Variants in CNOT4 observed in about 807,000 individuals in gnomAD.
CNOT4 encodes the protein CCR4-associated factor 4.
Under a neutral mutation model 73.8 loss-of-function variants are expected in CNOT4, and 8 were observed. The observed-to-expected ratio is 0.11, with a 90% CI of 0.06 to 0.20. CNOT4 has a LOEUF of 0.20. Among genes scored for constraint, CNOT4 ranks in the 10% least tolerant of loss-of-function variants. The pLI, the probability that CNOT4 is intolerant of heterozygous loss-of-function variation, is 1.00. For missense variants in CNOT4, 564 were observed against 883.4 expected, an observed-to-expected ratio of 0.64 and a Z score of 4.58; for synonymous variants, 293 against 321.1, an observed-to-expected ratio of 0.91 and a Z score of 0.94.
chr7:135,414,145 G>A (rs747781771), intron 5 of CNOT4, among the ~76,000 whole-genome samples, 186 bp downstream of exon 5: 4 of 151,822 alleles, frequency 2.6e-5, no homozygotes, highest in Non-Finnish European at 4.4e-5. Context: ...ATTCCTATCT[G>A]GTAAAAGAGG....
rs1799267493 is a variant in CNOT4 at position 135,438,087 on chromosome 7, G to A, written c.174+71C>T. The A allele has an allele frequency of 5.3e-6, 4 of 760,148 alleles. No individual in the cohort carries two copies. In the East Asian group the frequency reaches 1.0e-4, roughly 19 times the overall value. 47.1% of individuals were successfully genotyped at this position (760,148 alleles called of 1,614,324 possible). On this transcript the variant is annotated intron_variant, in intron 2 of 11. Transcript: ENST00000541284. Reference sequence around the variant, plus strand: ...TTTGCACAGTCTTTTAAATTCACTTGCTCATATACATGGCAGCAAAAAACT... The same window carrying A: ...TTTGCACAGTCTTTTAAATTCACTTACTCATATACATGGCAGCAAAAAACT...
chr7:135,450,860 G>A (rs1392588781), intron 1 of CNOT4, among the ~76,000 whole-genome samples: 1 of 152,022 alleles, frequency 6.6e-6, no homozygotes, highest in East Asian at 1.9e-4. Flanking sequence ...GGAGGTCAAG[G>A]CATTAAGAAT....
intron 2 of CNOT4, among the ~76,000 whole-genome samples, chr7:135,429,581 C>T (rs1798698937): frequency 6.6e-6 from 1 of 152,114 alleles, no homozygotes; most frequent in African/African-American, 2.4e-5. Context: ...ATCCCGAGTC[C>T]ACTTTCTAAT....
chr7:135,373,223 A>T (rs1369364469), intron 10 of CNOT4, among the ~76,000 whole-genome samples: 1 of 152,256 alleles, frequency 6.6e-6, no homozygotes, highest in African/African-American at 2.4e-5. Context: ...TGTTTTGAAT[A>T]AGGGGAATAT....
At chr7:135,495,504 CAAAAAAAAA>C (rs150007748) in intron 1 of CNOT4, among the ~76,000 whole-genome samples, 1 of 54,712 alleles carries the variant, frequency 1.8e-5, no homozygotes, top group African/African-American at 7.8e-5. Context: ...GACTCTGCCT[CAAAAAAAAA>C]AAAAAAAAAA....
At chr7:135,445,081 A>G (rs939300262) in intron 1 of CNOT4, among the ~76,000 whole-genome samples, 3 of 152,176 alleles carry the variant, frequency 2.0e-5, no homozygotes, top group African/African-American at 7.2e-5. Flanking sequence ...TTCAGAATTT[A>G]ATCTTTGAGG....
intron 1 of CNOT4, among the ~76,000 whole-genome samples, chr7:135,501,129 G>A (rs1005945306): frequency 2.6e-5 from 4 of 151,498 alleles, no homozygotes; most frequent in African/African-American, 9.7e-5. Context: ...GGATTACAGG[G>A]GCACACCACC....
chr7:135,485,304 T>C (rs1472557185), intron 1 of CNOT4, among the ~76,000 whole-genome samples: 2 of 152,154 alleles, frequency 1.3e-5, no homozygotes, highest in Non-Finnish European at 1.5e-5. Flanking sequence ...TCTCTTGACC[T>C]CATGATCCAC....
intron 10 of CNOT4, among the ~76,000 whole-genome samples, chr7:135,374,215 C>T (rs757328532): frequency 4.6e-5 from 7 of 152,162 alleles, no homozygotes; most frequent in Non-Finnish European, 8.8e-5. Flanking sequence ...GTTCCCATCC[C>T]ACTGACTCCT....
intron 7 of CNOT4, among the ~76,000 whole-genome samples, chr7:135,399,671 T>TA (rs574408130): frequency 4.1e-4 from 63 of 151,962 alleles, no homozygotes; most frequent in Non-Finnish European, 7.2e-4. Context: ...TTAATTGCTC[T>TA]AAAAAAAATA....
intron 10 of CNOT4, among the ~76,000 whole-genome samples, chr7:135,371,708 C>T (rs746866695): frequency 5.3e-5 from 8 of 151,564 alleles, no homozygotes; most frequent in Non-Finnish European, 1.0e-4. Context: ...TCTAAGGAAT[C>T]AGAATCTAAG....
chr7:135,399,429 C>T (rs1160618229), intron 7 of CNOT4, among the ~76,000 whole-genome samples: 1 of 151,898 alleles, frequency 6.6e-6, no homozygotes, highest in African/African-American at 2.4e-5. Context: ...AGAAAAGGTA[C>T]AGTAAAAAAG....
At chr7:135,470,995 T>C (rs1801542899) in intron 1 of CNOT4, among the ~76,000 whole-genome samples, 1 of 152,202 alleles carries the variant, frequency 6.6e-6, no homozygotes, top group African/African-American at 2.4e-5. Context: ...TTAAAACAGA[T>C]TTTTAAGCCA....
chr7:135,480,382 C>T (rs192621934), intron 1 of CNOT4, among the ~76,000 whole-genome samples: 100 of 152,264 alleles, frequency 6.6e-4, no homozygotes, highest in Non-Finnish European at 1.0e-3. Flanking sequence ...CTTTGGTCTC[C>T]ACTTCAAGTG....
In CNOT4 at chr7:135,363,060, T is replaced by C. The variant is rs977096922; in HGVS notation, c.1967A>G (p.His656Arg). ...GATCTGTGTGCTGAAGGGGGCGCTG[T>C]GGTGGGTCTGTGATGGAGCAGCGCT... is the stretch of plus-strand genomic sequence containing the variant. ...GPSAAPSQTHHSAPFSTQIPL... is the reference protein window; with the variant it reads ...GPSAAPSQTHRSAPFSTQIPL... The change falls in exon 12 of 12, where the codon CAC (histidine) becomes CGC (arginine). Residue 656 changes from histidine (H) to arginine (R), a missense_variant. By Grantham distance (29) the His-to-Arg change is conservative (BLOSUM62 0). This residue lies in a region of CNOT4 where 88 missense variants were observed against 94.7 expected (regional missense o/e 0.93). Transcript: ENST00000541284. This position sits in a 1 kb window ranked among gnomAD's most constrained non-coding sequence, Gnocchi z 4.3. The C allele has an allele frequency of 6.2e-7, 1 of 1,613,722 alleles. No individual in the cohort carries two copies. The highest frequency in any genetic ancestry group is 8.5e-7 in the Non-Finnish European group (1 of 1,179,964).
intron 2 of CNOT4, among the ~76,000 whole-genome samples, chr7:135,428,240 T>C (rs565745832): frequency 9.2e-5 from 14 of 152,258 alleles, no homozygotes; most frequent in East Asian, 5.8e-4. Flanking sequence ...AGAAGCCAAA[T>C]TGAAGCCTCT....
chr7:135,399,113 T>C (rs575997508), intron 7 of CNOT4, among the ~76,000 whole-genome samples: 1 of 152,172 alleles, frequency 6.6e-6, no homozygotes, highest in East Asian at 1.9e-4. Flanking sequence ...CTATAAGCAC[T>C]GCAACAGTGT....
chr7:135,442,609 A>G (rs1340564943), intron 1 of CNOT4, among the ~76,000 whole-genome samples: 1 of 152,218 alleles, frequency 6.6e-6, no homozygotes, highest in Non-Finnish European at 1.5e-5. Flanking sequence ...TCAAAAATAA[A>G]TAAGTAAAAT....
intron 2 of CNOT4, among the ~76,000 whole-genome samples, chr7:135,434,629 C>T (rs142312066): frequency 4.5e-4 from 69 of 152,130 alleles, no homozygotes; most frequent in African/African-American, 1.6e-3. Flanking sequence ...TATCCAGTCT[C>T]GTGATGTTAT....
Sources: allele counts gnomAD v4.1 joint callset (sites outside exome capture counted in the v4.1 genomes callset), GRCh38; gene constraint gnomAD v4.1.1; regional missense constraint gnomAD v4.1.1; non-coding constraint Gnocchi (gnomAD v3.1); transcripts MANE v1.5; gene names NCBI Gene and HGNC (gene_info 2026-07-23, HGNC 2026-07-21).